Variants in ADAMTS3 observed in about 807,000 individuals in gnomAD.
ADAMTS3 encodes the protein A disintegrin and metalloproteinase with thrombospondin motifs 3.
In ADAMTS3, 73 loss-of-function variants were observed where a neutral mutation model predicts 129.0. The ratio of observed to expected loss-of-function variants is 0.57; its 90% CI spans 0.47 to 0.69. The LOEUF is 0.69. Ranked by LOEUF, ADAMTS3 falls within the 30% of genes least tolerant of loss-of-function variation. ADAMTS3 has a pLI of 0.00. For synonymous variants in ADAMTS3, 477 were observed against 510.8 expected, an observed-to-expected ratio of 0.93 and a Z score of 0.89; for missense variants, 1,457 against 1,514.5, an observed-to-expected ratio of 0.96 and a Z score of 0.63.
At chr4:72,529,720 T>C (rs1560552963) in intron 3 of ADAMTS3, among the ~76,000 whole-genome samples, 3 of 101,212 alleles carry the variant, frequency 3.0e-5, no homozygotes, top group South Asian at 2.6e-4. Context: ...ATATAATATA[T>C]ATTAATTAAT....
chr4:72,560,870 G>A (rs965549147), intron 2 of ADAMTS3, among the ~76,000 whole-genome samples: 4 of 152,142 alleles, frequency 2.6e-5, no homozygotes, highest in African/African-American at 9.7e-5. Context: ...TTTCTAAAAT[G>A]TAGTATTATG....
chr4:72,408,773 G>C (rs1722113921), intron 4 of ADAMTS3, among the ~76,000 whole-genome samples: 1 of 150,430 alleles, frequency 6.6e-6, no homozygotes, highest in South Asian at 2.1e-4. Flanking sequence ...AAAAAAGGAT[G>C]AGTTCATGTC....
intron 3 of ADAMTS3, among the ~76,000 whole-genome samples, chr4:72,421,826 G>A (rs1722452811): frequency 6.6e-6 from 1 of 152,068 alleles, no homozygotes; most frequent in South Asian, 2.1e-4. Flanking sequence ...ATCAAAATTG[G>A]AGTGACTATT....
rs142938535 is a variant in ADAMTS3 at position 72,350,515 on chromosome 4, C to G, written c.662-10822G>C. 3.5e-3 allele frequency among the ~76,000 whole-genome samples: 533 copies of G among 151,976 alleles called. 3 individuals carry two copies. Among genetic ancestry groups the G allele is most frequent in the Middle Eastern group, 0.01 (3 of 294 alleles). On this transcript the variant is annotated intron_variant, in intron 4 of 21. Transcript: ENST00000286657. ...GGAGGTCTGACATTGTGAATTTTACCCTTTTGGCTGCTGGATATAGTTGTA... is the reference window on the plus strand; with the variant it reads ...GGAGGTCTGACATTGTGAATTTTACGCTTTTGGCTGCTGGATATAGTTGTA...
chr4:72,515,244 A>T (rs1000659941), intron 3 of ADAMTS3, among the ~76,000 whole-genome samples: 1 of 152,168 alleles, frequency 6.6e-6, no homozygotes, highest in African/African-American at 2.4e-5. Flanking sequence ...ATTGTTGGAC[A>T]TTTGGGTTGG....
chr4:72,496,878 A>C (rs1719886329), intron 3 of ADAMTS3, among the ~76,000 whole-genome samples: 1 of 152,062 alleles, frequency 6.6e-6, no homozygotes, highest in African/African-American at 2.4e-5. Context: ...TTATAAAAAT[A>C]AACATTCAGC....
intron 4 of ADAMTS3, among the ~76,000 whole-genome samples, chr4:72,341,977 T>C (rs1720149334): frequency 6.6e-6 from 1 of 152,174 alleles, no homozygotes; most frequent in African/African-American, 2.4e-5. Context: ...ATACTCATCA[T>C]TATAATTACA....
intron 5 of ADAMTS3, among the ~76,000 whole-genome samples, chr4:72,337,305 G>A (rs925305488): frequency 6.6e-6 from 1 of 151,952 alleles, no homozygotes; most frequent in Admixed American, 6.6e-5. Context: ...AAGAACAAAA[G>A]TCCTCTTGAC....
At chr4:72,341,138 C>A (rs1157485935) in intron 4 of ADAMTS3, among the ~76,000 whole-genome samples, 1 of 152,098 alleles carries the variant, frequency 6.6e-6, no homozygotes, top group East Asian at 1.9e-4. Context: ...AGGTTGATGA[C>A]CAAGCCCTAG....
At chr4:72,530,805 T>TATTA in intron 3 of ADAMTS3, among the ~76,000 whole-genome samples, 1 of 52,924 alleles carries the variant, frequency 1.9e-5, no homozygotes, top group Non-Finnish European at 3.6e-5. Context: ...ATTATATATA[T>TATTA]TATATATTAT....
chr4:72,451,593 A>G (rs920815020), intron 3 of ADAMTS3, among the ~76,000 whole-genome samples: 5 of 151,832 alleles, frequency 3.3e-5, no homozygotes, highest in African/African-American at 9.7e-5. Flanking sequence ...TTGTAACTAC[A>G]GACACAGAAA....
intron 3 of ADAMTS3, among the ~76,000 whole-genome samples, chr4:72,417,912 G>C (rs1411271723): frequency 1.4e-5 from 1 of 73,154 alleles, no homozygotes; most frequent in Non-Finnish European, 2.7e-5. Context: ...CAGACTGGGC[G>C]ACAGAGGGAG....
intron 19 of ADAMTS3, among the ~76,000 whole-genome samples, chr4:72,293,890 A>C (rs1313831194): frequency 6.6e-6 from 1 of 152,116 alleles, no homozygotes; most frequent in Non-Finnish European, 1.5e-5. Flanking sequence ...ATAAAAATCA[A>C]ATGCCTTGAA....
intron 3 of ADAMTS3, among the ~76,000 whole-genome samples, chr4:72,477,955 A>C (rs1719291019): frequency 6.6e-6 from 1 of 152,200 alleles, no homozygotes; most frequent in Non-Finnish European, 1.5e-5. Flanking sequence ...AAATGGATAA[A>C]TTCTTCGACA....
chr4:72,389,266 T>C (rs1721523910), intron 4 of ADAMTS3, among the ~76,000 whole-genome samples: 1 of 152,138 alleles, frequency 6.6e-6, no homozygotes, highest in Non-Finnish European at 1.5e-5. Flanking sequence ...TAATATTTTA[T>C]ATAAATCCAG....
chr4:72,428,802 C>T (rs1722629676), intron 3 of ADAMTS3, among the ~76,000 whole-genome samples: 1 of 151,966 alleles, frequency 6.6e-6, no homozygotes. Context: ...AATTCAATTA[C>T]TCTATTATTT....
chr4:72,561,163 A>G (rs1426037496), intron 2 of ADAMTS3, among the ~76,000 whole-genome samples: 3 of 152,162 alleles, frequency 2.0e-5, no homozygotes, highest in African/African-American at 7.2e-5. Context: ...CCAGCTGGCC[A>G]AGATGGTGAA....
chr4:72,374,628 T>G (rs1721093104), intron 4 of ADAMTS3, among the ~76,000 whole-genome samples: 1 of 152,234 alleles, frequency 6.6e-6, no homozygotes, highest in African/African-American at 2.4e-5. Flanking sequence ...CACTTCTGTT[T>G]CTTCCATCCT....
At chr4:72,479,311 C>T (rs1233462440) in intron 3 of ADAMTS3, among the ~76,000 whole-genome samples, 3 of 152,008 alleles carry the variant, frequency 2.0e-5, no homozygotes, top group African/African-American at 7.2e-5. Flanking sequence ...AGGCTACAGT[C>T]ACCAAAACAG....
Sources: allele counts gnomAD v4.1 joint callset (sites outside exome capture counted in the v4.1 genomes callset), GRCh38; gene constraint gnomAD v4.1.1; transcripts MANE v1.5; gene names NCBI Gene and HGNC (gene_info 2026-07-23, HGNC 2026-07-21).